The following SV2C variants were observed in gnomAD, a reference collection of about 807,000 sequenced individuals.
The protein encoded by SV2C is solute carrier family 22 member B3.
Under a neutral mutation model 79.7 loss-of-function variants are expected in SV2C, and 49 were observed. The observed-to-expected ratio is 0.61, with a 90% CI of 0.49 to 0.78. The LOEUF (loss-of-function observed/expected upper bound fraction) is 0.78. SV2C is among the 30% of genes least tolerant of loss of function. SV2C has a pLI of 0.00. For synonymous variants in SV2C, 334 were observed against 333.2 expected (o/e 1.00, Z -0.03); for missense variants, 833 against 912.9 (o/e 0.91, Z 1.13).
chr5:76,163,682 A>C (rs560659720), intron 2 of SV2C, among the ~76,000 whole-genome samples: 1 of 152,142 alleles, frequency 6.6e-6, no homozygotes, highest in Non-Finnish European at 1.5e-5. Context: ...TCTTTTTCTC[A>C]CACAGATTAA....
At chr5:76,038,661 T>C in the SV2C span, among the ~76,000 whole-genome samples, 1 of 152,212 alleles carries the variant, frequency 6.6e-6, no homozygotes, top group African/African-American at 2.4e-5. Context: ...TAAAGCATAA[T>C]TGAACTTATC....
chr5:76,052,626 G>A, the SV2C span, among the ~76,000 whole-genome samples: 3 of 152,176 alleles, frequency 2.0e-5, no homozygotes, highest in Admixed American at 1.3e-4. Context: ...AAGGATGTGT[G>A]TCACACATGG....
intron 2 of SV2C, among the ~76,000 whole-genome samples, chr5:76,158,184 T>C (rs948599747): frequency 1.3e-5 from 2 of 151,932 alleles, no homozygotes; most frequent in Non-Finnish European, 2.9e-5. Context: ...GACATAAATT[T>C]ACTGTATCAA....
chr5:76,240,475 A>G (rs965302780), intron 4 of SV2C, among the ~76,000 whole-genome samples: 1 of 152,224 alleles, frequency 6.6e-6, no homozygotes, highest in African/African-American at 2.4e-5. Flanking sequence ...GTGCAGGGGA[A>G]GTAACTAACT....
chr5:75,876,835 A>C, the SV2C span, among the ~76,000 whole-genome samples: 4 of 152,216 alleles, frequency 2.6e-5, no homozygotes, highest in South Asian at 6.2e-4. Flanking sequence ...AAAATGCTAC[A>C]TTTGAAAATA....
chr5:75,895,414 CAAA>C, the SV2C span, among the ~76,000 whole-genome samples: 1 of 151,872 alleles, frequency 6.6e-6, no homozygotes, highest in Non-Finnish European at 1.5e-5. Context: ...TCTAAAGAAT[CAAA>C]GAAAAATATG....
the SV2C span, among the ~76,000 whole-genome samples, chr5:75,944,075 T>C: frequency 6.6e-6 from 1 of 152,188 alleles, no homozygotes; most frequent in Non-Finnish European, 1.5e-5. Context: ...TGTAGTGCAG[T>C]GGCACTACCA....
chr5:76,047,003 G>A, the SV2C span, among the ~76,000 whole-genome samples: 1 of 152,216 alleles, frequency 6.6e-6, no homozygotes, highest in African/African-American at 2.4e-5. Flanking sequence ...CCTGAAGAAT[G>A]TGAATTGAAT....
intron 9 of SV2C, 99 bp downstream of exon 9, chr5:76,296,041 T>G: frequency 8.6e-7 from 1 of 1,156,494 alleles, no homozygotes; most frequent in South Asian, 1.7e-5. Flanking sequence ...TTTTGTTTGT[T>G]TGTTTTAGTT....
the SV2C span, among the ~76,000 whole-genome samples, chr5:75,850,778 G>A: frequency 1.3e-5 from 2 of 152,194 alleles, no homozygotes; most frequent in Non-Finnish European, 2.9e-5. Context: ...TGACTGCAAG[G>A]AGACAAAGGC....
intron 12 of SV2C, among the ~76,000 whole-genome samples, chr5:76,310,028 G>A (rs1368893653): frequency 1.3e-5 from 2 of 151,272 alleles, no homozygotes; most frequent in Admixed American, 1.3e-4. Context: ...TGGGGATAGA[G>A]AGGTCATTCA....
At chr5:76,268,468 G>C (rs779289840) in intron 4 of SV2C, among the ~76,000 whole-genome samples, 1 of 152,120 alleles carries the variant, frequency 6.6e-6, no homozygotes, top group South Asian at 2.1e-4. Flanking sequence ...GGCCCGTCCC[G>C]CTGCATGGCT....
At chr5:75,853,146 A>G in the SV2C span, among the ~76,000 whole-genome samples, 1 of 151,844 alleles carries the variant, frequency 6.6e-6, no homozygotes, top group Non-Finnish European at 1.5e-5. Flanking sequence ...AAGGATGCAT[A>G]CAACAACAAC....
At chr5:76,346,230 T>C (rs1749535199) in intron 12 of SV2C, among the ~76,000 whole-genome samples, 1 of 152,178 alleles carries the variant, frequency 6.6e-6, no homozygotes. Context: ...TAATGGTATA[T>C]GTAGGAAAAT....
the SV2C span, among the ~76,000 whole-genome samples, chr5:75,976,533 G>T: frequency 6.6e-6 from 1 of 152,012 alleles, no homozygotes; most frequent in Non-Finnish European, 1.5e-5. Context: ...GTCCAGTCTC[G>T]GTGGTTACCT....
chr5:76,345,156 G>A (rs149747369), intron 12 of SV2C, among the ~76,000 whole-genome samples: 1 of 152,332 alleles, frequency 6.6e-6, no homozygotes, highest in African/African-American at 2.4e-5. Context: ...TGAATTCATT[G>A]AAGGGTAAGC....
At position 76,330,673 on chromosome 5, in the gene SV2C, GCTC is replaced by G. The variant is rs1209664764; in HGVS notation, c.*5129_*5131del. On this transcript the variant is annotated 3_prime_UTR_variant, in exon 13 of 13. Coordinates refer to ENST00000502798, the MANE Select transcript of SV2C (RefSeq NM_014979.4). The stretch of plus-strand genomic sequence containing the variant: ...AGATAACCTTTGATGAGAGGAGAAA[GCTC>G]CTTGATTACCTGGTTTTTGTTGGAG... The G allele has an allele frequency of 6.6e-6, 1 of 151,932 alleles. No individual in the cohort carries two copies. Among genetic ancestry groups the G allele is most frequent in the Non-Finnish European group, 1.5e-5 (1 of 68,028 alleles). 9.4% of individuals were successfully genotyped at this position (151,932 alleles called of 1,614,324 possible). A position where few individuals can be genotyped will look rare whatever the true frequency, so the allele number is the denominator to read the frequency against.
At chr5:76,136,444 T>C (rs1223621125) in intron 2 of SV2C, among the ~76,000 whole-genome samples, 1 of 152,236 alleles carries the variant, frequency 6.6e-6, no homozygotes, top group Non-Finnish European at 1.5e-5. Flanking sequence ...TTCTGATTAG[T>C]ATATTGTGAT....
intron 2 of SV2C, among the ~76,000 whole-genome samples, chr5:76,164,159 A>C (rs1245481672): frequency 6.6e-6 from 1 of 152,220 alleles, no homozygotes; most frequent in East Asian, 1.9e-4. Flanking sequence ...CTCCTTTCTT[A>C]AACTTCCTAA....
Sources: allele counts gnomAD v4.1 joint callset (sites outside exome capture counted in the v4.1 genomes callset), GRCh38; gene constraint gnomAD v4.1.1; transcripts MANE v1.5; gene names NCBI Gene and HGNC (gene_info 2026-07-23, HGNC 2026-07-21).